Variants in ATXN3 observed in about 807,000 individuals in gnomAD.
The protein encoded by ATXN3 is ataxin 3.
In ATXN3, 28 loss-of-function variants were observed where a neutral mutation model predicts 58.2. The ratio of observed to expected loss-of-function variants is 0.48; its 90% CI spans 0.36 to 0.66. ATXN3 has a LOEUF of 0.66. Ranked by LOEUF, ATXN3 falls within the 30% of genes least tolerant of loss-of-function variation. ATXN3 has a pLI of 0.00. For synonymous variants in ATXN3, 113 were observed against 138.5 expected (o/e 0.82, Z 1.29); for missense variants, 321 against 422.1 (o/e 0.76, Z 2.10).
chr14:92,079,939 T>C (rs1267655612), intron 9 of ATXN3, among the ~76,000 whole-genome samples: 7 of 152,096 alleles, frequency 4.6e-5, no homozygotes, highest in Non-Finnish European at 1.0e-4. Context: ...GGTTTCACCA[T>C]GTTGGTCAGG....
chr14:92,084,068 C>G lies in ATXN3; in HGVS notation c.476-810G>C, dbSNP rs560787454. On this transcript the variant is annotated intron_variant, in intron 6 of 10. Transcript: ENST00000644486. The stretch of plus-strand genomic sequence containing the variant: ...AGACTGAAGGCTGCACTGTCAGCTT[C>G]CCTACTTTTGAGGTTTTGGGACTTG... Among the ~76,000 whole-genome samples, 3 of 152,306 alleles carry G rather than the reference C, an allele frequency of 2.0e-5. No homozygotes were observed. The East Asian group carries it at 5.8e-4, about 29-fold the overall frequency.
chr14:92,071,083 A>G (rs376480119), intron 9 of ATXN3, 30 bp from the exon 10 acceptor site: 17 of 1,299,284 alleles, frequency 1.3e-5, no homozygotes, highest in Middle Eastern at 2.1e-4. Context: ...AGTATATTTA[A>G]AAAACAAAAC....
intron 1 of ATXN3, 93 bp downstream of exon 1, chr14:92,106,436 C>G: frequency 6.5e-7 from 1 of 1,540,050 alleles, no homozygotes; most frequent in Non-Finnish European, 9.0e-7. Flanking sequence ...GGGGGCGACT[C>G]GGGCCCCACC....
intron 1 of ATXN3, among the ~76,000 whole-genome samples, chr14:92,105,868 G>T (rs988213281): frequency 6.6e-6 from 1 of 152,194 alleles, no homozygotes; most frequent in Non-Finnish European, 1.5e-5. Context: ...AGTACCAAAA[G>T]AAACCAAACC....
intron 2 of ATXN3, 109 bp from the exon 3 acceptor site, chr14:92,096,246 A>G: frequency 1.2e-6 from 2 of 1,601,298 alleles, no homozygotes; most frequent in African/African-American, 1.3e-5. Flanking sequence ...TCCCATTTCC[A>G]AAGTTAACAG....
chr14:92,078,840 A>C (rs982338678), intron 9 of ATXN3, among the ~76,000 whole-genome samples: 5 of 152,214 alleles, frequency 3.3e-5, no homozygotes, highest in African/African-American at 1.2e-4. Context: ...GTTACAAAAT[A>C]ATCCAAACTT....
chr14:92,072,179 C>T (rs1276130602), intron 9 of ATXN3, among the ~76,000 whole-genome samples: 3 of 152,288 alleles, frequency 2.0e-5, no homozygotes, highest in South Asian at 4.1e-4. Context: ...AATGTTTAAA[C>T]ATGACGGTTA....
chr14:92,092,116 C>A (rs978266624), intron 5 of ATXN3, among the ~76,000 whole-genome samples: 1 of 151,932 alleles, frequency 6.6e-6, no homozygotes, highest in Non-Finnish European at 1.5e-5. Context: ...CCCTCTCACT[C>A]CTCCATAGCC....
At chr14:92,089,122 T>G (rs2063204681) in intron 5 of ATXN3, among the ~76,000 whole-genome samples, 1 of 151,476 alleles carries the variant, frequency 6.6e-6, no homozygotes, top group Non-Finnish European at 1.5e-5. Flanking sequence ...GTTCAAGTGA[T>G]TCTCCTGCCT....
intron 6 of ATXN3, among the ~76,000 whole-genome samples, chr14:92,087,330 A>T (rs546344527): frequency 2.9e-4 from 44 of 152,332 alleles, no homozygotes; most frequent in Middle Eastern, 3.4e-3. Flanking sequence ...ACAAGCCTGT[A>T]GTCCCAGCTA....
At position 92,061,427 on chromosome 14, in the gene ATXN3, A is replaced by C. The variant is rs1405497040; in HGVS notation, c.*2893T>G. 6.6e-6 allele frequency: 1 copy of C among 152,208 alleles called. No individual in the cohort carries two copies. The highest frequency in any genetic ancestry group is 1.5e-5 in the Non-Finnish European group (1 of 68,042). 9.4% of individuals were successfully genotyped at this position (152,208 alleles called of 1,614,324 possible). On this transcript the variant is annotated 3_prime_UTR_variant, in exon 11 of 11. Transcript: ENST00000644486. ...TTTAGATCAGAGATTAACTATTCTG[A>C]ATTTTAAAAACATAAATTACTCATT...
At position 92,059,804 on chromosome 14, in the gene ATXN3, C is replaced by G. The variant is rs1039189389; in HGVS notation, c.*4516G>C. The G allele has an allele frequency of 2.9e-5, 4 of 139,950 alleles. No homozygotes were observed. The highest frequency in any genetic ancestry group is 7.4e-5 in the Admixed American group (1 of 13,522). The allele number at this position is 139,950 out of a possible 1,614,324, so 8.7% of individuals were successfully genotyped here. A position where few individuals can be genotyped will look rare whatever the true frequency, so the allele number is the denominator to read the frequency against. ...TTGTACTCCAGCCTGGGCAGCAGAG[C>G]TAGACTCCGTCTCAGAAAAAAAAAA... is the stretch of plus-strand genomic sequence containing the variant. On this transcript the variant is annotated 3_prime_UTR_variant, in exon 11 of 11. Transcript: ENST00000644486.
At chr14:92,096,196 CTG>C in intron 2 of ATXN3, 59 bp from the exon 3 acceptor site, 1 of 1,612,342 alleles carries the variant, frequency 6.2e-7, no homozygotes, top group Middle Eastern at 1.7e-4. Flanking sequence ...AGGATACAAA[CTG>C]TCATTAGCGT....
At chr14:92,081,667 A>G (rs1449749867) in intron 8 of ATXN3, among the ~76,000 whole-genome samples, 2 of 152,136 alleles carry the variant, frequency 1.3e-5, no homozygotes, top group Non-Finnish European at 2.9e-5. Flanking sequence ...TTTTATTTAG[A>G]TATCTAAGGA....
At chr14:92,106,076 G>C (rs142371486) in intron 1 of ATXN3, among the ~76,000 whole-genome samples, 3 of 151,726 alleles carry the variant, frequency 2.0e-5, no homozygotes, top group Non-Finnish European at 2.9e-5. Context: ...CTCCAATATA[G>C]AATTGAGCAG....
intron 6 of ATXN3, among the ~76,000 whole-genome samples, chr14:92,088,059 CT>C (rs935824794): frequency 1.7e-4 from 26 of 148,916 alleles, no homozygotes; most frequent in East Asian, 7.9e-4. Flanking sequence ...GCATGTATTT[CT>C]TTTTTTTTTC....
intron 9 of ATXN3, among the ~76,000 whole-genome samples, chr14:92,076,874 A>G (rs1017782906): frequency 7.2e-6 from 1 of 139,164 alleles, no homozygotes; most frequent in African/African-American, 2.7e-5. Context: ...CAGGAGGCGG[A>G]GGTTGCAGTG....
intron 4 of ATXN3, 22 bp downstream of exon 4, chr14:92,093,724 G>A: frequency 6.6e-7 from 1 of 1,508,810 alleles, no homozygotes; most frequent in Non-Finnish European, 9.0e-7. Context: ...AGAAATGTAT[G>A]AAATGCAAAA....
intron 2 of ATXN3, chr14:92,096,391 A>G: frequency 1.7e-6 from 2 of 1,148,820 alleles, no homozygotes; most frequent in South Asian, 1.6e-5. Context: ...TTGGGAGGCC[A>G]AGACAGGTGG....
Sources: gnomAD v4.1 joint callset for allele counts (sites outside exome capture counted in the v4.1 genomes callset) on GRCh38, gnomAD v4.1.1 for gene constraint, MANE v1.5 for transcripts, NCBI Gene and HGNC (gene_info 2026-07-23, HGNC 2026-07-21) for gene names.